The following GPRC5B variants were observed in gnomAD, a reference collection of about 807,000 sequenced individuals.
The protein encoded by GPRC5B is G protein-coupled receptor family C group 5 member B.
GPRC5B carries 16 observed loss-of-function variants against 30.1 expected under a neutral mutation model. The ratio of observed to expected loss-of-function variants is 0.53; its 90% CI spans 0.36 to 0.81. The LOEUF (loss-of-function observed/expected upper bound fraction) is 0.81. Ranked by LOEUF, GPRC5B falls within the 30% of genes least tolerant of loss-of-function variation. GPRC5B has a pLI of 0.01. For synonymous variants in GPRC5B, 241 were observed against 239.5 expected (o/e 1.01, Z -0.06); for missense variants, 428 against 544.7 (o/e 0.79, Z 2.13).
intron 2 of GPRC5B, among the ~76,000 whole-genome samples, chr16:19,870,780 A>T (rs1316377685): frequency 1.3e-5 from 2 of 152,184 alleles, no homozygotes; most frequent in African/African-American, 4.8e-5. Context: ...GTGAACAGAA[A>T]AGTGGATTCC....
At position 19,858,659 on chromosome 16, in the gene GPRC5B, C is replaced by T; in HGVS notation, c.*1841G>A. ...GCATGCAACCGCCCCCACCCCCACC[C>T]CAGGTCCTAGCTTCATTCCCTCCCA... On this transcript the variant is annotated 3_prime_UTR_variant, in exon 4 of 4. Coordinates refer to ENST00000300571, the MANE Select transcript of GPRC5B (RefSeq NM_016235.3). The T allele has an allele frequency of 1.9e-6, 1 of 515,366 alleles. No individual in the cohort carries two copies. The highest frequency in any genetic ancestry group is 3.2e-5 in the East Asian group (1 of 31,594). The allele number at this position is 515,366 out of a possible 1,614,324, so 31.9% of individuals were successfully genotyped here.
At chr16:19,879,679 T>A (rs2056788853) in intron 1 of GPRC5B, among the ~76,000 whole-genome samples, 1 of 152,128 alleles carries the variant, frequency 6.6e-6, no homozygotes, top group Non-Finnish European at 1.5e-5. Flanking sequence ...CCACACCACC[T>A]GCTAGCACCT....
Position 19,872,618 on chromosome 16 carries a change from G to A in GPRC5B, c.228C>T (p.Ile76=). 6.2e-7 allele frequency: 1 copy of A among 1,614,032 alleles called. No individual in the cohort carries two copies. Among genetic ancestry groups the A allele is most frequent in the Non-Finnish European group, 8.5e-7 (1 of 1,179,872 alleles). The part of the protein sequence containing the change: ...GALITLLLML[I]LLVRLPFIKE... ...TGATGAAGGGCAGCCGCACCAGGAG[G>A]ATGAGCATCAGGAGCAGTGTGATCA... The change falls in exon 2 of 4, where the codon ATC becomes ATT. Residue 76 remains isoleucine (I), a synonymous_variant. Transcript: ENST00000300571. This position sits in a 1 kb window ranked among gnomAD's most constrained non-coding sequence, Gnocchi z 5.0.
At chr16:19,865,935 GTTGTTTTTTT>G (rs1462440526) in intron 2 of GPRC5B, among the ~76,000 whole-genome samples, 3 of 152,034 alleles carry the variant, frequency 2.0e-5, no homozygotes, top group Non-Finnish European at 2.9e-5. Flanking sequence ...TTTGTTTTTT[GTTGTTTTTTT>G]TTGAGACGGA....
At chr16:19,862,270 G>T (rs545006103) in intron 2 of GPRC5B, 161 of 361,428 alleles carry the variant, frequency 4.5e-4, no homozygotes, top group Middle Eastern at 1.6e-3. Flanking sequence ...TGCAGGCCGC[G>T]GGTGACAGGC....
chr16:19,867,881 C>T (rs1481797155), intron 2 of GPRC5B, among the ~76,000 whole-genome samples: 1 of 152,060 alleles, frequency 6.6e-6, no homozygotes, highest in Non-Finnish European at 1.5e-5. Flanking sequence ...GAAAGCCCAT[C>T]TCTACTAAAA....
At position 19,872,284 on chromosome 16, in the gene GPRC5B, C is replaced by CA; in HGVS notation, c.561dup (p.Asp188Ter). 1 of 1,613,960 alleles carries CA rather than the reference C, an allele frequency of 6.2e-7. No individual in the cohort carries two copies. Among genetic ancestry groups the CA allele is most frequent in the Non-Finnish European group, 8.5e-7 (1 of 1,180,032 alleles). Reference sequence around the variant, plus strand: ...TCGTAGGCGCAGGCTGGCCTTGTGTCACGCAGCACGGTGAGCACCAGCCAC... The same window carrying CA: ...TCGTAGGCGCAGGCTGGCCTTGTGTCAACGCAGCACGGTGAGCACCAGCCAC... On this transcript the variant is annotated frameshift_variant, in exon 2 of 4. Transcript: ENST00000300571. LOFTEE classifies it high-confidence loss of function. The surrounding 1 kb of genome is among the most constrained non-coding windows in gnomAD (Gnocchi z 5.0).
In GPRC5B at chr16:19,858,710, C is replaced by G. The variant is rs2056594995; in HGVS notation, c.*1790G>C. ...CCCCTCCCCAGGACTCTTACGTTTTCTGTCCACGCAATGACTGGAACGGGA... is the reference window on the plus strand; with the variant it reads ...CCCCTCCCCAGGACTCTTACGTTTTGTGTCCACGCAATGACTGGAACGGGA... On this transcript the variant is annotated 3_prime_UTR_variant, in exon 4 of 4. Transcript: ENST00000300571. The G allele has an allele frequency of 2.2e-6, 1 of 451,340 alleles. No individual in the cohort carries two copies. The highest frequency in any genetic ancestry group is 3.9e-6 in the Non-Finnish European group (1 of 257,306). The allele number at this position is 451,340 out of a possible 1,614,324, so 28.0% of individuals were successfully genotyped here.
rs2056722042 is a variant in GPRC5B, at chr16:19,871,866, G to A, written c.980C>T (p.Pro327Leu). The change falls in exon 2 of 4, where the codon CCG (proline) becomes CTG (leucine). Residue 327 changes from proline to leucine, a missense_variant. This residue lies in a region of GPRC5B where 213 missense variants were observed against 229.1 expected (regional missense o/e 0.93). Coordinates refer to ENST00000300571, the MANE Select transcript of GPRC5B (RefSeq NM_016235.3). ...GGCCTTGTTCTCCATATAGGCCCGCGGCAGCTGCACGTCCTCCTCGAAGGC... is the reference window on the plus strand; with the variant it reads ...GGCCTTGTTCTCCATATAGGCCCGCAGCAGCTGCACGTCCTCCTCGAAGGC... The part of the protein sequence containing the change: ...ETAFEEDVQL[P>L]RAYMENKAFS... 3 of 1,613,974 alleles carry A rather than the reference G, an allele frequency of 1.9e-6. No individual in the cohort carries two copies. The highest frequency in any genetic ancestry group is 1.1e-5 in the South Asian group (1 of 91,072).
intron 1 of GPRC5B, among the ~76,000 whole-genome samples, chr16:19,883,101 TTAA>T (rs2056819848): frequency 6.6e-6 from 1 of 152,214 alleles, no homozygotes; most frequent in Non-Finnish European, 1.5e-5. Context: ...ATGGGTTTGT[TTAA>T]TGTTTGTCCA....
At position 19,872,743 on chromosome 16, in the gene GPRC5B, G is replaced by C; in HGVS notation, c.103C>G (p.Arg35Gly). 2 of 1,613,666 alleles carry C rather than the reference G, an allele frequency of 1.2e-6. No homozygotes were observed. Among genetic ancestry groups the C allele is most frequent in the Non-Finnish European group, 8.5e-7 (1 of 1,179,976 alleles). ...GGGAGGAGGTCCAGCCCACAGCCTC[G>C]GGATGTGCTGGCGTTTTCAGAGGCC... ...SVASENASTSRGCGLDLLPQY... is the reference protein window; with the variant it reads ...SVASENASTSGGCGLDLLPQY... Residue 35 changes from arginine to glycine, a missense_variant, in exon 2 of 4, where the codon CGA becomes GGA. Coordinates refer to ENST00000300571, the MANE Select transcript of GPRC5B (RefSeq NM_016235.3). The surrounding 1 kb of genome is among the most constrained non-coding windows in gnomAD (Gnocchi z 5.0).
chr16:19,885,183 C>T (rs773591925), upstream of GPRC5B: 1 of 1,283,578 alleles, frequency 7.8e-7, no homozygotes, highest in African/African-American at 1.5e-5. This position sits in a 1 kb window ranked among gnomAD's most constrained non-coding sequence, Gnocchi z 5.3. Flanking sequence ...CGGGAACACT[C>T]CCCTAGCCAA....
chr16:19,881,938 C>T (rs1446226857), intron 1 of GPRC5B, among the ~76,000 whole-genome samples: 1 of 152,226 alleles, frequency 6.6e-6, no homozygotes, highest in Admixed American at 6.5e-5. Context: ...TGCTGCATCC[C>T]TGTTCTGAAT....
chr16:19,863,094 A>G (rs2056639976), intron 2 of GPRC5B, among the ~76,000 whole-genome samples: 1 of 152,084 alleles, frequency 6.6e-6, no homozygotes, highest in Non-Finnish European at 1.5e-5. Context: ...TACTTTATAT[A>G]TATTAACCAT....
At chr16:19,864,987 C>G (rs1384115392) in intron 2 of GPRC5B, among the ~76,000 whole-genome samples, 5 of 150,584 alleles carry the variant, frequency 3.3e-5, no homozygotes, top group African/African-American at 1.2e-4. Context: ...TCATTGCAGC[C>G]TCGACCTCCG....
chr16:19,863,439 C>G (rs1354637228), intron 2 of GPRC5B, among the ~76,000 whole-genome samples: 1 of 150,700 alleles, frequency 6.6e-6, no homozygotes, highest in African/African-American at 2.4e-5. Flanking sequence ...CAAGGTCACA[C>G]AGCTGGTAAG....
intron 2 of GPRC5B, among the ~76,000 whole-genome samples, chr16:19,862,621 A>AT (rs2056635965): frequency 6.6e-6 from 1 of 152,172 alleles, no homozygotes. Context: ...AACAAAAAAA[A>AT]AGGGTAGAAG....
chr16:19,869,785 T>C (rs227758), intron 2 of GPRC5B, among the ~76,000 whole-genome samples: 54,002 of 152,022 alleles, frequency 0.36, 9,819 homozygotes, highest in African/African-American at 0.42. Context: ...TTAATAACAC[T>C]GGGGGGCCCA....
chr16:19,875,056 G>C (rs1410955011), intron 1 of GPRC5B, among the ~76,000 whole-genome samples: 2 of 152,136 alleles, frequency 1.3e-5, no homozygotes, highest in African/African-American at 2.4e-5. Context: ...GCTTCCCTAA[G>C]TAAATGCGGT....
Sources: gnomAD v4.1 joint callset for allele counts (sites outside exome capture counted in the v4.1 genomes callset) on GRCh38, gnomAD v4.1.1 for gene constraint, gnomAD v4.1.1 regional missense constraint, Gnocchi (gnomAD v3.1) non-coding constraint, MANE v1.5 for transcripts, NCBI Gene and HGNC (gene_info 2026-07-23, HGNC 2026-07-21) for gene names.